The following DDX60L variants were observed in gnomAD, a reference collection of about 807,000 sequenced individuals.
The protein encoded by DDX60L is probable ATP-dependent RNA helicase DDX60-like.
A neutral mutation model predicts 211.6 loss-of-function variants in DDX60L; 191 were observed. That is an observed-to-expected ratio of 0.90 (90% CI 0.80 to 1.02). DDX60L has a LOEUF of 1.02. Ranked by LOEUF, DDX60L falls within the 50% of genes least tolerant of loss-of-function variation. The pLI is 0.00. For missense variants in DDX60L, 2,007 were observed against 1,984.1 expected (o/e 1.01, Z -0.22); for synonymous variants, 706 against 694.1 (o/e 1.02, Z -0.27).
chr4:168,422,032 T>G (rs1750720285), intron 16 of DDX60L, 123 bp from the exon 17 acceptor site: 3 of 1,204,100 alleles, frequency 2.5e-6, no homozygotes, highest in South Asian at 2.9e-5. Context: ...GGGAACTCCC[T>G]GAACCCCTGA....
chr4:168,464,441 G>GTAT (rs1181370155), intron 4 of DDX60L, among the ~76,000 whole-genome samples: 3 of 53,880 alleles, frequency 5.6e-5, no homozygotes, highest in African/African-American at 2.2e-4. Context: ...CTTTATAATT[G>GTAT]TATTTTTTTT....
chr4:168,384,896 T>A (rs528998822), intron 29 of DDX60L, 84 bp from the exon 30 acceptor site: 1 of 1,323,306 alleles, frequency 7.6e-7, no homozygotes, highest in East Asian at 2.5e-5. Context: ...TTACACTTGT[T>A]ATCCGGGATT....
At chr4:168,382,369 G>A (rs765270782) in intron 30 of DDX60L, among the ~76,000 whole-genome samples, 13 of 152,224 alleles carry the variant, frequency 8.5e-5, no homozygotes, top group East Asian at 3.9e-4. Context: ...TGGAACTATC[G>A]CTTCTTGGCC....
At chr4:168,473,539 G>A (rs180727198) in intron 1 of DDX60L, among the ~76,000 whole-genome samples, 1 of 152,312 alleles carries the variant, frequency 6.6e-6, no homozygotes, top group African/African-American at 2.4e-5. Context: ...GTTGGGGAGT[G>A]TCACAGATGA....
At chr4:168,379,236 C>T in intron 32 of DDX60L, 127 bp downstream of exon 32, 2 of 839,616 alleles carry the variant, frequency 2.4e-6, no homozygotes, top group Non-Finnish European at 3.5e-6. Flanking sequence ...TAAATCTGAA[C>T]ATATACTTAG....
At chr4:168,394,062 G>A (rs529612400) in intron 28 of DDX60L, among the ~76,000 whole-genome samples, 2 of 152,048 alleles carry the variant, frequency 1.3e-5, no homozygotes, top group African/African-American at 4.8e-5. Context: ...GAGCATGATG[G>A]TGCGCGCTTG....
intron 10 of DDX60L, among the ~76,000 whole-genome samples, chr4:168,437,712 G>A (rs1753241677): frequency 6.6e-6 from 1 of 152,164 alleles, no homozygotes; most frequent in Non-Finnish European, 1.5e-5. Context: ...CTAAGGCCAT[G>A]CCAGTCAAAG....
At chr4:168,472,554 A>C (rs1758938284) in intron 2 of DDX60L, 30 bp from the exon 3 acceptor site, 1 of 1,575,536 alleles carries the variant, frequency 6.3e-7, no homozygotes, top group African/African-American at 1.4e-5. Context: ...TTGAGCCATC[A>C]ATATTTTTAC....
chr4:168,393,327 C>A (rs910457998), intron 28 of DDX60L, among the ~76,000 whole-genome samples: 7 of 152,016 alleles, frequency 4.6e-5, no homozygotes, highest in Admixed American at 2.0e-4. Context: ...GAAACCCTGT[C>A]TCTACTAAAA....
In DDX60L at chr4:168,373,644, A is replaced by C. The variant is rs1429858853; in HGVS notation, c.4776+22T>G. On this transcript the variant is annotated intron_variant, in intron 35 of 37. Transcript: ENST00000682922. ...TCTGTCTGTTAAACACATTTTGTAC[A>C]TAAGATGTATCCTTCACTTACCTGG... 3 of 1,608,908 alleles carry C rather than the reference A, an allele frequency of 1.9e-6. No homozygotes were observed. In the East Asian group the frequency reaches 6.7e-5, roughly 36 times the overall value.
intron 29 of DDX60L, 22 bp from the exon 30 acceptor site, chr4:168,384,834 A>G: frequency 6.2e-7 from 1 of 1,601,268 alleles, no homozygotes; most frequent in Non-Finnish European, 8.5e-7. Flanking sequence ...AAAGAATCAC[A>G]ATGTAAAACC....
chr4:168,478,458 TA>T (rs1361346776), intron 1 of DDX60L, among the ~76,000 whole-genome samples: 1 of 152,152 alleles, frequency 6.6e-6, no homozygotes, highest in African/African-American at 2.4e-5. Flanking sequence ...TATTTCCAAA[TA>T]AACTATGAGC....
chr4:168,370,962 G>A (rs1287357661), intron 36 of DDX60L, among the ~76,000 whole-genome samples: 1 of 151,890 alleles, frequency 6.6e-6, no homozygotes, highest in Non-Finnish European at 1.5e-5. Flanking sequence ...TAGAACAAGT[G>A]TCACTTTCTA....
chr4:168,429,705 G>C (rs887148849), intron 13 of DDX60L, among the ~76,000 whole-genome samples: 1 of 152,218 alleles, frequency 6.6e-6, no homozygotes, highest in Non-Finnish European at 1.5e-5. Flanking sequence ...AGCTGGGCCT[G>C]ATGGGAGGTG....
intron 30 of DDX60L, among the ~76,000 whole-genome samples, chr4:168,380,957 G>T (rs778987958): frequency 6.6e-6 from 1 of 152,188 alleles, no homozygotes; most frequent in Non-Finnish European, 1.5e-5. Flanking sequence ...TTGTGCTCCT[G>T]CTCTAGGGAA....
At chr4:168,449,810 A>AAT (rs1755545881) in intron 8 of DDX60L, among the ~76,000 whole-genome samples, 1 of 92,834 alleles carries the variant, frequency 1.1e-5, no homozygotes, top group African/African-American at 3.5e-5. Flanking sequence ...AAAAATAAAA[A>AAT]AAAAAAAAAA....
chr4:168,391,516 G>A, intron 29 of DDX60L, 24 bp downstream of exon 29: 1 of 1,422,490 alleles, frequency 7.0e-7, no homozygotes, highest in Admixed American at 1.8e-5. Flanking sequence ...TTCAGCAATG[G>A]GAGTTAAAGA....
chr4:168,459,288 C>G (rs1756986061), intron 5 of DDX60L, among the ~76,000 whole-genome samples: 1 of 151,872 alleles, frequency 6.6e-6, no homozygotes, highest in Non-Finnish European at 1.5e-5. Flanking sequence ...GAGTTTGAAA[C>G]CAGCCTGGGC....
At chr4:168,433,249 C>CA in intron 10 of DDX60L, 134 bp from the exon 11 acceptor site, 1 of 598,578 alleles carries the variant, frequency 1.7e-6, no homozygotes, top group South Asian at 2.4e-5. Context: ...TTAGAGCTTC[C>CA]AAATGAGATA....
Sources: allele counts gnomAD v4.1 joint callset (sites outside exome capture counted in the v4.1 genomes callset), GRCh38; gene constraint gnomAD v4.1.1; transcripts MANE v1.5; gene names NCBI Gene and HGNC (gene_info 2026-07-23, HGNC 2026-07-21).